LRBA: variants seen among roughly 807,000 people sequenced by gnomAD.
The protein encoded by LRBA is lipopolysaccharide-responsive and beige-like anchor protein.
LRBA carries 176 observed loss-of-function variants against 330.0 expected under a neutral mutation model. That is an observed-to-expected ratio of 0.53 (90% CI 0.47 to 0.60). The LOEUF is 0.60. Ranked by LOEUF, LRBA falls within the 20% of genes least tolerant of loss-of-function variation. The pLI, the probability that LRBA is intolerant of heterozygous loss-of-function variation, is 0.00. For missense variants in LRBA, 3,259 were observed against 3,444.8 expected (o/e 0.95, Z 1.35); for synonymous variants, 1,230 against 1,193.0 (o/e 1.03, Z -0.64).
intron 4 of LRBA, 87 bp from the exon 5 acceptor site, chr4:150,921,380 A>G: frequency 1.3e-6 from 1 of 776,268 alleles, no homozygotes. Flanking sequence ...GCTGTAATAT[A>G]TACAGGAATA....
At chr4:150,697,338 A>C (rs1483822452) in intron 36 of LRBA, among the ~76,000 whole-genome samples, 1 of 148,308 alleles carries the variant, frequency 6.7e-6, no homozygotes, top group East Asian at 1.9e-4. Flanking sequence ...AAAAAAAAAA[A>C]AAAAAAAAAA....
chr4:150,913,768 T>C (rs1732271076), intron 9 of LRBA, among the ~76,000 whole-genome samples: 1 of 152,252 alleles, frequency 6.6e-6, no homozygotes, highest in African/African-American at 2.4e-5. Flanking sequence ...CATCATAAAA[T>C]GTCCTTCTTT....
At chr4:150,941,524 T>G (rs1251831212) in intron 2 of LRBA, among the ~76,000 whole-genome samples, 4 of 152,220 alleles carry the variant, frequency 2.6e-5, no homozygotes, top group Non-Finnish European at 5.9e-5. Flanking sequence ...AAATTTAACA[T>G]TACAGATATC....
At chr4:150,840,558 ATTTATTAAGTT>A (rs1748917092) in intron 28 of LRBA, 3 of 152,644 alleles carry the variant, frequency 2.0e-5, no homozygotes, top group African/African-American at 7.2e-5. Flanking sequence ...ACAGTCAGAC[ATTTATTAAGTT>A]CACTGTCTTA....
chr4:151,006,824 T>C (rs946713065), intron 2 of LRBA, among the ~76,000 whole-genome samples: 19 of 152,164 alleles, frequency 1.2e-4, no homozygotes, highest in African/African-American at 4.6e-4. Flanking sequence ...AACTTTGAAG[T>C]TTTAAAATTT....
chr4:150,807,250 GA>G, intron 32 of LRBA, among the ~76,000 whole-genome samples: 2 of 151,862 alleles, frequency 1.3e-5, no homozygotes, highest in Admixed American at 6.6e-5. Context: ...CTACCAAGAA[GA>G]CAGTTGCTAC....
intron 48 of LRBA, among the ~76,000 whole-genome samples, chr4:150,342,894 A>G (rs1735775328): frequency 1.3e-5 from 2 of 152,194 alleles, no homozygotes; most frequent in South Asian, 4.1e-4. Context: ...TGCTTTTGAT[A>G]CTGGAAAGGT....
chr4:150,598,954 A>G, intron 38 of LRBA, 53 bp downstream of exon 38: 1 of 1,598,490 alleles, frequency 6.3e-7, no homozygotes, highest in Non-Finnish European at 8.6e-7. Context: ...TATGCTCTTC[A>G]TTACCAAGTC....
intron 37 of LRBA, among the ~76,000 whole-genome samples, chr4:150,661,906 C>T (rs1781149437): frequency 6.6e-6 from 1 of 152,154 alleles, no homozygotes; most frequent in Non-Finnish European, 1.5e-5. Context: ...AGGCATGAGG[C>T]ACCACGCCCA....
intron 36 of LRBA, among the ~76,000 whole-genome samples, chr4:150,705,805 C>CAT (rs901389557): frequency 2.6e-5 from 4 of 151,834 alleles, no homozygotes; most frequent in Admixed American, 6.6e-5. Flanking sequence ...AATGATAAAG[C>CAT]ATATATATAT....
At chr4:150,796,154 C>G (rs1740755200) in intron 34 of LRBA, among the ~76,000 whole-genome samples, 1 of 151,860 alleles carries the variant, frequency 6.6e-6, no homozygotes, top group Non-Finnish European at 1.5e-5. Context: ...AAAAAATTAT[C>G]AATCAAACTC....
At chr4:150,370,549 A>C (rs1740116003) in intron 47 of LRBA, among the ~76,000 whole-genome samples, 1 of 152,204 alleles carries the variant, frequency 6.6e-6, no homozygotes, top group Non-Finnish European at 1.5e-5. Flanking sequence ...GGGAATGAAT[A>C]GGTGGAGCAT....
intron 2 of LRBA, among the ~76,000 whole-genome samples, chr4:151,003,615 G>A (rs1424254720): frequency 3.3e-5 from 5 of 151,170 alleles, no homozygotes; most frequent in South Asian, 2.1e-4. Context: ...CCCAGCCCCC[G>A]CCCCTTCTCT....
intron 36 of LRBA, among the ~76,000 whole-genome samples, chr4:150,731,053 T>C (rs534956188): frequency 6.6e-6 from 1 of 152,218 alleles, no homozygotes; most frequent in South Asian, 2.1e-4. Flanking sequence ...CTCAAAATCA[T>C]TGATCATCAC....
At chr4:150,987,689 G>C (rs1197489256) in intron 2 of LRBA, among the ~76,000 whole-genome samples, 1 of 151,238 alleles carries the variant, frequency 6.6e-6, no homozygotes, top group African/African-American at 2.4e-5. Flanking sequence ...CTGGGCGACA[G>C]AGTGAGTCTC....
chr4:150,382,533 G>C (rs1420043700), intron 47 of LRBA, among the ~76,000 whole-genome samples: 1 of 151,694 alleles, frequency 6.6e-6, no homozygotes, highest in African/African-American at 2.4e-5. Flanking sequence ...CGAGGCAAGA[G>C]AATCGCTTGA....
intron 17 of LRBA, among the ~76,000 whole-genome samples, chr4:150,881,760 G>C (rs1301322492): frequency 6.6e-6 from 1 of 152,140 alleles, no homozygotes. Flanking sequence ...AACTATCCTT[G>C]CTATAGCTTA....
chr4:150,987,131 T>G, intron 2 of LRBA, among the ~76,000 whole-genome samples: 1 of 152,202 alleles, frequency 6.6e-6, no homozygotes, highest in Non-Finnish European at 1.5e-5. Flanking sequence ...TATAACCAAT[T>G]AATTGGCATT....
At chr4:150,509,205 A>G (rs1360175015) in intron 40 of LRBA, among the ~76,000 whole-genome samples, 1 of 152,120 alleles carries the variant, frequency 6.6e-6, no homozygotes, top group African/African-American at 2.4e-5. Context: ...AGTACCCTAT[A>G]TATACCATTA....
Sources: allele counts gnomAD v4.1 joint callset (sites outside exome capture counted in the v4.1 genomes callset), GRCh38; gene constraint gnomAD v4.1.1; transcripts MANE v1.5; gene names NCBI Gene and HGNC (gene_info 2026-07-23, HGNC 2026-07-21).